POTEJ: variants seen among roughly 807,000 people sequenced by gnomAD.
POTEJ encodes POTE ankyrin domain family member J, also known as POTE ankyrin domain family, member J.
Under a neutral mutation model 69.0 loss-of-function variants are expected in POTEJ, and 11 were observed. The ratio of observed to expected loss-of-function variants is 0.16; its 90% CI spans 0.10 to 0.26. The LOEUF is 0.26. POTEJ is among the 10% of genes least tolerant of loss of function. The pLI, the probability that POTEJ is intolerant of heterozygous loss-of-function variation, is 1.00. For synonymous variants in POTEJ, 117 were observed against 381.1 expected, an observed-to-expected ratio of 0.31 and a Z score of 8.07; for missense variants, 327 against 1,045.5, an observed-to-expected ratio of 0.31 and a Z score of 9.48.
intron 6 of POTEJ, among the ~76,000 whole-genome samples, chr2:130,626,699 C>A (rs1474327882): frequency 3.9e-5 from 6 of 152,186 alleles, no homozygotes; most frequent in Non-Finnish European, 8.8e-5. Context: ...GAAGTTTTTG[C>A]AGTAGTCAGC....
intron 10 of POTEJ, among the ~76,000 whole-genome samples, chr2:130,641,120 C>T (rs898798474): frequency 2.0e-5 from 3 of 152,078 alleles, no homozygotes; most frequent in African/African-American, 7.3e-5. Flanking sequence ...AGCAAACAGG[C>T]ATGACTGAGC....
At chr2:130,631,065 T>C (rs1242579128) in intron 7 of POTEJ, among the ~76,000 whole-genome samples, 1 of 143,464 alleles carries the variant, frequency 7.0e-6, no homozygotes, top group Non-Finnish European at 1.5e-5. Flanking sequence ...TGCTGATTCA[T>C]TTTTGGTAGA....
chr2:130,650,007 G>T (rs1686747589), intron 13 of POTEJ, among the ~76,000 whole-genome samples: 1 of 152,130 alleles, frequency 6.6e-6, no homozygotes, highest in Non-Finnish European at 1.5e-5. Flanking sequence ...TGAAGAAAAT[G>T]AAAAAAAAGA....
At chr2:130,641,397 C>G (rs1686367721) in intron 10 of POTEJ, among the ~76,000 whole-genome samples, 1 of 148,492 alleles carries the variant, frequency 6.7e-6, no homozygotes, top group African/African-American at 2.5e-5. Context: ...GCCTTTTTCA[C>G]TTGTTTTGCT....
intron 14 of POTEJ, among the ~76,000 whole-genome samples, chr2:130,655,451 A>G (rs1333498985): frequency 3.3e-5 from 5 of 152,254 alleles, no homozygotes; most frequent in Admixed American, 2.0e-4. Context: ...CAGAGGCCAC[A>G]TTGTGGATAC....
chr2:130,613,326 A>ATGTATATATACATATATATACATG (rs1685300415), intron 1 of POTEJ, among the ~76,000 whole-genome samples: 1 of 78,214 alleles, frequency 1.3e-5, no homozygotes, highest in Admixed American at 1.2e-4. Context: ...ATATATACAT[A>ATGTATATATACATATATATACATG]TGTATATATA....
At chr2:130,638,252 T>G (rs1168273052) in intron 9 of POTEJ, among the ~76,000 whole-genome samples, 2 of 151,554 alleles carry the variant, frequency 1.3e-5, no homozygotes, top group African/African-American at 4.8e-5. Context: ...TAAGGCAGCA[T>G]AGTCCTCACT....
chr2:130,623,806 T>C (rs1210641344), intron 5 of POTEJ, among the ~76,000 whole-genome samples: 1 of 135,454 alleles, frequency 7.4e-6, no homozygotes, highest in Non-Finnish European at 1.6e-5. Flanking sequence ...GGACACTTTC[T>C]ATTATGTCAT....
chr2:130,647,664 A>C lies in POTEJ; in HGVS notation c.1667+1354A>C, dbSNP rs1686635179. Among the ~76,000 whole-genome samples, 6 of 149,452 alleles carry C rather than the reference A, an allele frequency of 4.0e-5. No individual in the cohort carries two copies. In the South Asian group the frequency reaches 1.3e-3, roughly 31 times the overall value. ...TGGGCTCTAGTGATCCTCTGACCTC[A>C]GTCTCTACTAGCTGAGACCACAGGT... On this transcript the variant is annotated intron_variant, in intron 13 of 14. Coordinates refer to ENST00000409602, the MANE Select transcript of POTEJ (RefSeq NM_001277083.2).
chr2:130,632,706 A>T, intron 9 of POTEJ, 50 bp downstream of exon 9: 1 of 686,428 alleles, frequency 1.5e-6, no homozygotes, highest in African/African-American at 2.1e-5. Context: ...CTGTCAAACT[A>T]ACCCTAGTTT....
At chr2:130,643,534 A>G (rs1686473536) in intron 10 of POTEJ, among the ~76,000 whole-genome samples, 1 of 144,716 alleles carries the variant, frequency 6.9e-6, no homozygotes, top group African/African-American at 2.6e-5. Flanking sequence ...AAAAAAAAGA[A>G]AAAAAGAAAA....
intron 1 of POTEJ, among the ~76,000 whole-genome samples, chr2:130,613,257 C>CATATATACATATATATACACATAT: frequency 1.0e-5 from 1 of 99,094 alleles, no homozygotes; most frequent in Middle Eastern, 6.7e-3. Context: ...TATATATACA[C>CATATATACATATATATACACATAT]ATATATACAT....
intron 9 of POTEJ, among the ~76,000 whole-genome samples, chr2:130,636,998 G>A (rs558866605): frequency 6.8e-6 from 1 of 146,266 alleles, no homozygotes; most frequent in African/African-American, 2.5e-5. Context: ...AGAATGGCAT[G>A]AACCCGGGAG....
At chr2:130,615,607 G>T (rs1259919299) in intron 1 of POTEJ, among the ~76,000 whole-genome samples, 1 of 141,082 alleles carries the variant, frequency 7.1e-6, no homozygotes, top group Non-Finnish European at 1.5e-5. Flanking sequence ...CCTATCAGAG[G>T]GTGGAGGGTG....
At chr2:130,641,843 G>T (rs1317979384) in intron 10 of POTEJ, among the ~76,000 whole-genome samples, 1 of 152,226 alleles carries the variant, frequency 6.6e-6, no homozygotes, top group Non-Finnish European at 1.5e-5. Flanking sequence ...CCAAGAATCT[G>T]AAAGTCAGTA....
rs185887821 is a variant in POTEJ, at chr2:130,636,484, A to T, written c.1299-2135A>T. On this transcript the variant is annotated intron_variant, in intron 9 of 14. Coordinates refer to ENST00000409602, the MANE Select transcript of POTEJ (RefSeq NM_001277083.2). ...AATAAAAGGTTTTTTGTATTAGAAAAAAAAAAACCCTTTCTCAGCAGAGAC... is the reference window on the plus strand; with the variant it reads ...AATAAAAGGTTTTTTGTATTAGAAATAAAAAAACCCTTTCTCAGCAGAGAC... Among the ~76,000 whole-genome samples the T allele has an allele frequency of 5.4e-3, 790 of 146,444 alleles. 86 individuals carry two copies. Among genetic ancestry groups the T allele is most frequent in the Admixed American group, 0.051 (730 of 14,448 alleles).
intron 13 of POTEJ, among the ~76,000 whole-genome samples, chr2:130,648,794 T>TGTTTG (rs1686690645): frequency 9.2e-6 from 1 of 108,484 alleles, no homozygotes; most frequent in African/African-American, 4.5e-5. Flanking sequence ...TTTTTTTTTT[T>TGTTTG]TTTTTTTTTT....
chr2:130,641,807 T>A (rs1396327389), intron 10 of POTEJ, among the ~76,000 whole-genome samples: 1 of 152,218 alleles, frequency 6.6e-6, no homozygotes, highest in Admixed American at 6.5e-5. Context: ...CTAGTTTGAC[T>A]CTCAGTAATA....
At chr2:130,654,639 TTAA>T (rs1432517815) in intron 13 of POTEJ, among the ~76,000 whole-genome samples, 1 of 146,020 alleles carries the variant, frequency 6.8e-6, no homozygotes, top group Non-Finnish European at 1.5e-5. Context: ...TCATTATATA[TTAA>T]TAATAATAGA....
Sources: allele counts gnomAD v4.1 joint callset (sites outside exome capture counted in the v4.1 genomes callset), GRCh38; gene constraint gnomAD v4.1.1; transcripts MANE v1.5; gene names NCBI Gene and HGNC (gene_info 2026-07-23, HGNC 2026-07-21).